KCNK2: variants seen among roughly 807,000 people sequenced by gnomAD.
The protein encoded by KCNK2 is potassium two pore domain channel subfamily K member 2.
A neutral mutation model predicts 40.5 loss-of-function variants in KCNK2; 21 were observed. The ratio of observed to expected loss-of-function variants is 0.52; its 90% CI spans 0.37 to 0.75. The LOEUF is 0.75. Ranked by LOEUF, KCNK2 falls within the 30% of genes least tolerant of loss-of-function variation. The probability of loss-of-function intolerance (pLI) is 0.00; values close to 1 mark genes in which losing one functional copy is unlikely to be tolerated. For missense variants in KCNK2, 399 were observed against 531.6 expected, an observed-to-expected ratio of 0.75 and a Z score of 2.45; for synonymous variants, 191 against 202.2, an observed-to-expected ratio of 0.94 and a Z score of 0.47.
At chr1:215,176,801 G>A (rs531311119) in intron 5 of KCNK2, among the ~76,000 whole-genome samples, 5 of 152,138 alleles carry the variant, frequency 3.3e-5, no homozygotes, top group Non-Finnish European at 5.9e-5. Flanking sequence ...ATGAACATAT[G>A]TGTGCATGTA....
At chr1:215,093,764 A>G (rs1478210453) in intron 2 of KCNK2, among the ~76,000 whole-genome samples, 1 of 36,916 alleles carries the variant, frequency 2.7e-5, no homozygotes, top group Non-Finnish European at 5.0e-5. Flanking sequence ...TATATTATAT[A>G]ATATAAAATA....
chr1:215,092,807 A>G (rs1449560238), intron 2 of KCNK2, among the ~76,000 whole-genome samples: 2 of 152,164 alleles, frequency 1.3e-5, no homozygotes, highest in African/African-American at 4.8e-5. Context: ...CTAACAAGCA[A>G]TGCTGACAAG....
intron 5 of KCNK2, among the ~76,000 whole-genome samples, chr1:215,179,946 G>T (rs1346904158): frequency 6.6e-6 from 1 of 151,970 alleles, no homozygotes; most frequent in East Asian, 1.9e-4. Context: ...TTCTAATGCT[G>T]GCAGTGCAGT....
At chr1:215,234,792 C>A in intron 6 of KCNK2, 36 bp from the exon 7 acceptor site, 1 of 1,541,276 alleles carries the variant, frequency 6.5e-7, no homozygotes, top group South Asian at 1.2e-5. Context: ...ATCGGCATGT[C>A]AATATCTTTA....
chr1:215,169,842 C>T (rs536706156), intron 4 of KCNK2, among the ~76,000 whole-genome samples: 1 of 152,070 alleles, frequency 6.6e-6, no homozygotes, highest in Non-Finnish European at 1.5e-5. Flanking sequence ...GATGGGGTTT[C>T]ACCATGTTGG....
rs1002569213 is a variant in KCNK2 at position 215,203,526 on chromosome 1, G to A, written c.963+8434G>A. 9.2e-5 allele frequency among the ~76,000 whole-genome samples: 14 copies of A among 151,762 alleles called. No homozygotes were observed. The East Asian group carries it at 2.7e-3, about 29-fold the overall frequency. On this transcript the variant is annotated intron_variant, in intron 6 of 6. Coordinates refer to ENST00000444842, the MANE Select transcript of KCNK2 (RefSeq NM_001017425.3). ...TCAAATCAATTTTATAAAGTTTTAA[G>A]ACTATATATATATATAATATCATCA...
At chr1:215,031,422 T>C (rs1212699327) in intron 1 of KCNK2, among the ~76,000 whole-genome samples, 1 of 152,180 alleles carries the variant, frequency 6.6e-6, no homozygotes, top group Non-Finnish European at 1.5e-5. Flanking sequence ...ATTTTCTTCC[T>C]AGAGATCTCA....
rs1200880330 is a variant in KCNK2, at chr1:215,209,340, AAT to A, written c.963+14257_963+14258del. Among the ~76,000 whole-genome samples, 213 of 94,932 alleles carry A rather than the reference AAT, an allele frequency of 2.2e-3. 3 individuals carry two copies. Among genetic ancestry groups the A allele is most frequent in the Admixed American group, 8.9e-3 (48 of 5,386 alleles). 62.3% of individuals were successfully genotyped at this position (94,932 alleles called of 152,430 possible). A position where few individuals can be genotyped will look rare whatever the true frequency, so the allele number is the denominator to read the frequency against. On this transcript the variant is annotated intron_variant, in intron 6 of 6. Transcript: ENST00000444842. Reference sequence around the variant, plus strand: ...AATATACACATATTTTTATATATATAATATATATATTATATATAATATATGCA... The same window carrying A: ...AATATACACATATTTTTATATATATAATATATATTATATATAATATATGCA...
At chr1:215,208,731 A>G (rs1225052699) in intron 6 of KCNK2, among the ~76,000 whole-genome samples, 1 of 152,146 alleles carries the variant, frequency 6.6e-6, no homozygotes, top group Non-Finnish European at 1.5e-5. Context: ...TCAAAATTGG[A>G]AACTGTGAGT....
chr1:215,202,694 A>G (rs1665130298), intron 6 of KCNK2, among the ~76,000 whole-genome samples: 4 of 152,224 alleles, frequency 2.6e-5, no homozygotes, highest in Admixed American at 2.6e-4. Context: ...TCTAGAATAC[A>G]TTGTAAGTTA....
rs78686565 is a variant in KCNK2, at chr1:215,111,182, C to T, written c.358-13451C>T. Among the ~76,000 whole-genome samples the T allele has an allele frequency of 1.1e-4, 16 of 152,142 alleles. 1 individual carries two copies. In the East Asian group the frequency reaches 2.3e-3, roughly 22 times the overall value. ...TGTAATCTGAGAGCAGAGGTAATTT[C>T]GTGTCTTCTTTTCTGATTTGGATGT... On this transcript the variant is annotated intron_variant, in intron 2 of 6. Coordinates refer to ENST00000444842, the MANE Select transcript of KCNK2 (RefSeq NM_001017425.3).
chr1:215,190,445 C>T (rs560911028), intron 5 of KCNK2, among the ~76,000 whole-genome samples: 3 of 152,240 alleles, frequency 2.0e-5, no homozygotes, highest in East Asian at 3.9e-4. Flanking sequence ...TCATAGGTGA[C>T]GTGGACCACT....
At chr1:215,170,721 A>T (rs916980811) in intron 4 of KCNK2, among the ~76,000 whole-genome samples, 4 of 152,032 alleles carry the variant, frequency 2.6e-5, no homozygotes, top group African/African-American at 7.2e-5. Context: ...CTTTTTTTGT[A>T]TTATACTTTT....
intron 3 of KCNK2, among the ~76,000 whole-genome samples, chr1:215,132,454 G>T (rs569967333): frequency 3.9e-4 from 60 of 152,270 alleles, no homozygotes; most frequent in African/African-American, 1.3e-3. Context: ...GTCCATTGAG[G>T]TTCTCTCAGG....
intron 6 of KCNK2, among the ~76,000 whole-genome samples, chr1:215,209,476 T>TAATACATAATATATATTA (rs1553274203): frequency 2.3e-5 from 1 of 43,194 alleles, no homozygotes; most frequent in Non-Finnish European, 4.2e-5. Context: ...ATAATATATA[T>TAATACATAATATATATTA]TATATATAAT....
At chr1:215,007,021 A>ATGTGTGTGTGTGTG (rs1358275338) in intron 1 of KCNK2, among the ~76,000 whole-genome samples, 3 of 15,026 alleles carry the variant, frequency 2.0e-4, no homozygotes, top group African/African-American at 2.9e-4. Flanking sequence ...ATATATATAT[A>ATGTGTGTGTGTGTG]TATATATATA....
chr1:215,009,527 T>C (rs532209185), intron 1 of KCNK2, among the ~76,000 whole-genome samples: 1 of 152,204 alleles, frequency 6.6e-6, no homozygotes, highest in East Asian at 1.9e-4. Context: ...ATAATGTGAA[T>C]AATAAACCCA....
At chr1:215,204,405 A>G (rs1466414114) in intron 6 of KCNK2, among the ~76,000 whole-genome samples, 1 of 152,050 alleles carries the variant, frequency 6.6e-6, no homozygotes, top group Non-Finnish European at 1.5e-5. Context: ...TGTAAATAAT[A>G]GGAAAATAAG....
At chr1:215,070,703 G>A (rs1658726431) in intron 1 of KCNK2, among the ~76,000 whole-genome samples, 1 of 152,146 alleles carries the variant, frequency 6.6e-6, no homozygotes, top group African/African-American at 2.4e-5. Flanking sequence ...AATTATGAGA[G>A]CTACGGTTCA....
Sources: allele counts gnomAD v4.1 joint callset (sites outside exome capture counted in the v4.1 genomes callset), GRCh38; gene constraint gnomAD v4.1.1; transcripts MANE v1.5; gene names NCBI Gene and HGNC (gene_info 2026-07-23, HGNC 2026-07-21).